Variants in CFAP221 observed in about 807,000 individuals in gnomAD.
The protein encoded by CFAP221 is cilia and flagella associated protein 221.
In CFAP221, 97 loss-of-function variants were observed where a neutral mutation model predicts 113.1. The observed-to-expected ratio is 0.86, with a 90% CI of 0.73 to 1.02. The LOEUF (loss-of-function observed/expected upper bound fraction) is 1.02. Among genes scored for constraint, CFAP221 ranks in the 50% least tolerant of loss-of-function variants. The pLI, the probability that CFAP221 is intolerant of heterozygous loss-of-function variation, is 0.00. For synonymous variants in CFAP221, 331 were observed against 354.4 expected (o/e 0.93, Z 0.74); for missense variants, 1,025 against 1,013.4 (o/e 1.01, Z -0.16).
At chr2:119,549,697 G>T (rs1680289518) in intron 3 of CFAP221, among the ~76,000 whole-genome samples, 1 of 152,154 alleles carries the variant, frequency 6.6e-6, no homozygotes. Context: ...TCCAGCCAGG[G>T]CTTCCTTTTA....
At chr2:119,586,329 C>G (rs1025504586) in intron 6 of CFAP221, among the ~76,000 whole-genome samples, 1 of 152,098 alleles carries the variant, frequency 6.6e-6, no homozygotes, top group African/African-American at 2.4e-5. Context: ...GAGCTCTGCT[C>G]CCCCAGGCAG....
rs1260122296 is a variant in CFAP221, at chr2:119,605,247, TCAGA to T, written c.1095_1098del (p.Gln366ThrfsTer42). ...AAGGAGGCACTCTTTGAACAGAAAG[TCAGA>T]CAGGACATTCACGAAGAGATGGAAA... On this transcript the variant is annotated frameshift_variant, in exon 11 of 24. Transcript: ENST00000413369. LOFTEE classifies it high-confidence loss of function. 2 of 1,614,164 alleles carry T rather than the reference TCAGA, an allele frequency of 1.2e-6. No homozygotes were observed. The highest frequency in any genetic ancestry group is 2.2e-5 in the South Asian group (2 of 91,074).
At chr2:119,615,007 C>T (rs1685429522) in intron 13 of CFAP221, among the ~76,000 whole-genome samples, 1 of 152,230 alleles carries the variant, frequency 6.6e-6, no homozygotes, top group Non-Finnish European at 1.5e-5. Context: ...CTTCTTCCCT[C>T]TCCTCTGCAG....
Position 119,615,729 on chromosome 2 carries a change from G to A in CFAP221, c.1410+20G>A. 1 of 1,565,460 alleles carries A rather than the reference G, an allele frequency of 6.4e-7. No homozygotes were observed. The highest frequency in any genetic ancestry group is 1.7e-5 in the Admixed American group (1 of 57,616). ...CGCAAGGTAAGTCTCAGCACCAGCT[G>A]GAAATGTTGATTTGTTTACTCATCA... On this transcript the variant is annotated intron_variant, in intron 14 of 23. Transcript: ENST00000413369.
chr2:119,564,948 A>G (rs773541853), intron 6 of CFAP221, among the ~76,000 whole-genome samples: 2 of 152,178 alleles, frequency 1.3e-5, no homozygotes, highest in Non-Finnish European at 2.9e-5. Context: ...TTGGGTTACT[A>G]TGTAATGGCT....
intron 2 of CFAP221, among the ~76,000 whole-genome samples, chr2:119,548,126 G>A (rs1035681399): frequency 6.6e-6 from 1 of 152,006 alleles, no homozygotes; most frequent in African/African-American, 2.4e-5. Context: ...ACCACACCCA[G>A]CTAATTTTAA....
intron 6 of CFAP221, among the ~76,000 whole-genome samples, chr2:119,576,882 G>GT (rs1208582080): frequency 1.3e-5 from 2 of 152,178 alleles, no homozygotes; most frequent in African/African-American, 4.8e-5. Flanking sequence ...ATTTCCTTCT[G>GT]TTTTTGTTGA....
intron 13 of CFAP221, among the ~76,000 whole-genome samples, chr2:119,613,838 A>G (rs548479016): frequency 4.4e-4 from 67 of 152,272 alleles, no homozygotes; most frequent in African/African-American, 1.5e-3. Flanking sequence ...CAGAAAATGG[A>G]TTTTTCTTTT....
chr2:119,582,244 C>T (rs943378802), intron 6 of CFAP221, among the ~76,000 whole-genome samples: 2 of 152,176 alleles, frequency 1.3e-5, no homozygotes, highest in African/African-American at 2.4e-5. Flanking sequence ...AAATTAATTA[C>T]ATATGTTGGT....
intron 22 of CFAP221, 92 bp from the exon 23 acceptor site, chr2:119,651,882 T>C (rs1013420442): frequency 2.2e-5 from 21 of 963,998 alleles, no homozygotes; most frequent in South Asian, 6.3e-5. Flanking sequence ...ACCACAAGAA[T>C]TGCATAACTC....
At chr2:119,595,638 G>T (rs991529968) in intron 7 of CFAP221, among the ~76,000 whole-genome samples, 4 of 152,074 alleles carry the variant, frequency 2.6e-5, no homozygotes, top group African/African-American at 4.8e-5. Context: ...ATAGGCATTG[G>T]GTACTGCAGA....
chr2:119,613,363 A>G (rs1418042120), intron 13 of CFAP221, among the ~76,000 whole-genome samples: 3 of 152,234 alleles, frequency 2.0e-5, no homozygotes, highest in East Asian at 3.9e-4. Flanking sequence ...CTCCAACCCT[A>G]CATTTCCCTT....
At chr2:119,564,463 T>C (rs1030370420) in intron 6 of CFAP221, among the ~76,000 whole-genome samples, 17 of 152,174 alleles carry the variant, frequency 1.1e-4, no homozygotes, top group African/African-American at 3.9e-4. Context: ...TGAATACTGG[T>C]TTTAAGGCAT....
At chr2:119,605,063 A>G (rs757302475) in intron 10 of CFAP221, 76 bp downstream of exon 10, 28 of 1,498,452 alleles carry the variant, frequency 1.9e-5, no homozygotes, top group Non-Finnish European at 2.6e-5. Flanking sequence ...CTGATTACCT[A>G]TGAACAACAA....
intron 14 of CFAP221, among the ~76,000 whole-genome samples, chr2:119,625,216 A>G (rs1048386687): frequency 6.6e-6 from 1 of 152,188 alleles, no homozygotes; most frequent in Non-Finnish European, 1.5e-5. Context: ...CACCCGTGCC[A>G]TTTGTCCTTC....
At chr2:119,628,948 A>G (rs1485956958) in intron 16 of CFAP221, among the ~76,000 whole-genome samples, 2 of 152,170 alleles carry the variant, frequency 1.3e-5, no homozygotes, top group East Asian at 3.8e-4. Flanking sequence ...TGAAGCTGAT[A>G]TGTTTCATTT....
chr2:119,545,995 C>A, intron 1 of CFAP221, 90 bp from the exon 2 acceptor site: 1 of 964,568 alleles, frequency 1.0e-6, no homozygotes, highest in Non-Finnish European at 1.5e-6. Flanking sequence ...CACAGTAAAC[C>A]ACACAGAGAC....
intron 1 of CFAP221, among the ~76,000 whole-genome samples, chr2:119,544,845 G>A (rs1679937718): frequency 6.6e-6 from 1 of 152,146 alleles, no homozygotes; most frequent in Non-Finnish European, 1.5e-5. Flanking sequence ...TACCGGGGCG[G>A]TGGGCGAGCC....
chr2:119,639,802 C>T lies in CFAP221; in HGVS notation c.2155C>T (p.His719Tyr), dbSNP rs1263662657. 1.2e-6 allele frequency: 2 copies of T among 1,613,828 alleles called. No homozygotes were observed. Among genetic ancestry groups the T allele is most frequent in the Non-Finnish European group, 1.7e-6 (2 of 1,179,838 alleles). Reference protein sequence around the residue: ...HHTDIIPGIMHWKSFQSLVLS... With the variant: ...HHTDIIPGIMYWKSFQSLVLS... ...ACAGGACATTATTCCCGGAATAATG[C>T]ACTGGAAAAGCTTCCAGTCCCTGGT... The change falls in exon 21 of 24, where the codon CAC becomes TAC. Residue 719 changes from histidine to tyrosine, a missense_variant. Physicochemically the swap from His to Tyr is moderately conservative, Grantham distance 83. Transcript: ENST00000413369.
Sources: allele counts gnomAD v4.1 joint callset (sites outside exome capture counted in the v4.1 genomes callset), GRCh38; gene constraint gnomAD v4.1.1; transcripts MANE v1.5; gene names NCBI Gene and HGNC (gene_info 2026-07-23, HGNC 2026-07-21).